The following BCAS3 variants were observed in gnomAD, a reference collection of about 807,000 sequenced individuals.
The protein encoded by BCAS3 is BCAS3 microtubule associated cell migration factor.
BCAS3 carries 53 observed loss-of-function variants against 116.1 expected under a neutral mutation model. The observed-to-expected ratio is 0.46, with a 90% CI of 0.37 to 0.57. The LOEUF (loss-of-function observed/expected upper bound fraction) is 0.57. Among genes scored for constraint, BCAS3 ranks in the 20% least tolerant of loss-of-function variants. The pLI, the probability that BCAS3 is intolerant of heterozygous loss-of-function variation, is 0.00. For synonymous variants in BCAS3, 391 were observed against 408.2 expected (o/e 0.96, Z 0.51); for missense variants, 917 against 1,165.4 (o/e 0.79, Z 3.10).
intron 18 of BCAS3, among the ~76,000 whole-genome samples, chr17:61,038,672 T>TG (rs1389712082): frequency 7.1e-6 from 1 of 141,630 alleles, no homozygotes; most frequent in African/African-American, 2.7e-5. Flanking sequence ...GTTTTTGTTT[T>TG]TTTTTTTTTT....
intron 22 of BCAS3, among the ~76,000 whole-genome samples, chr17:61,184,424 GGCTGAAAT>G (rs2079647644): frequency 6.6e-6 from 1 of 152,094 alleles, no homozygotes; most frequent in South Asian, 2.1e-4. Context: ...CAACTAGAAT[GGCTGAAAT>G]TAAAAGACTG....
intron 22 of BCAS3, among the ~76,000 whole-genome samples, chr17:61,164,080 G>A (rs2078335360): frequency 7.4e-6 from 1 of 135,926 alleles, no homozygotes; most frequent in Non-Finnish European, 1.6e-5. Context: ...ACTGAAATCA[G>A]TGATAAAGAC....
intron 6 of BCAS3, among the ~76,000 whole-genome samples, chr17:60,750,540 C>CGATAACAT (rs1218376840): frequency 7.2e-5 from 11 of 152,200 alleles, no homozygotes; most frequent in African/African-American, 2.6e-4. Context: ...CGTTATTCAT[C>CGATAACAT]GATAACATGA....
Position 61,380,380 on chromosome 17 carries a change from C to T in BCAS3, c.2594-11597C>T. On this transcript the variant is annotated intron_variant, in intron 23 of 23. Transcript: ENST00000407086. The surrounding 1 kb of genome is among the most constrained non-coding windows in gnomAD (Gnocchi z 4.2). Reference sequence around the variant, plus strand: ...TGTGCCTGGGAACAGACCATGAACACCCCCGCAAAGCTCTCAGTGGTCAAA... The same window carrying T: ...TGTGCCTGGGAACAGACCATGAACATCCCCGCAAAGCTCTCAGTGGTCAAA... The T allele has an allele frequency of 2.5e-6, 2 of 801,578 alleles. No homozygotes were observed. Among genetic ancestry groups the T allele is most frequent in the Non-Finnish European group, 4.1e-6 (2 of 484,482 alleles). The allele number at this position is 801,578 out of a possible 1,614,324, so 49.7% of individuals were successfully genotyped here.
intron 6 of BCAS3, among the ~76,000 whole-genome samples, chr17:60,754,473 G>A (rs1050964574): frequency 1.2e-4 from 19 of 152,242 alleles, no homozygotes; most frequent in African/African-American, 4.6e-4. Context: ...CTGGCCTCAG[G>A]TGATCCTCCT....
At chr17:60,999,877 T>A (rs1357010001) in intron 15 of BCAS3, among the ~76,000 whole-genome samples, 2 of 152,168 alleles carry the variant, frequency 1.3e-5, no homozygotes, top group East Asian at 3.9e-4. Context: ...CCTTCTTGCT[T>A]AGACGTATTT....
chr17:60,906,540 T>G (rs1476629637), intron 11 of BCAS3, among the ~76,000 whole-genome samples: 1 of 152,168 alleles, frequency 6.6e-6, no homozygotes, highest in African/African-American at 2.4e-5. Flanking sequence ...ACCACTTAGT[T>G]TCTTAGCACC....
chr17:61,018,290 GTTTTTTTTTTTTTTTTTTTT>G (rs10570881), intron 16 of BCAS3, among the ~76,000 whole-genome samples: 1 of 83,066 alleles, frequency 1.2e-5, no homozygotes. Flanking sequence ...AAATTCCCCA[GTTTTTTTTTTTTTTTTTTTT>G]TTTTTTTTTG....
At position 61,214,580 on chromosome 17, in the gene BCAS3, A is replaced by G. The variant is rs978480541; in HGVS notation, c.2425+130016A>G. ...GCGGCGGGCGCCTGTAGTCCCAGCT[A>G]CTCCGGAGGCTGAGGCAGAAGAACA... On this transcript the variant is annotated intron_variant, in intron 22 of 23. Coordinates refer to ENST00000407086, the MANE Select transcript of BCAS3 (RefSeq NM_017679.5). This position sits in a 1 kb window ranked among gnomAD's most constrained non-coding sequence, Gnocchi z 4.4. Among the ~76,000 whole-genome samples the G allele has an allele frequency of 3.4e-5, 5 of 149,040 alleles. No homozygotes were observed. Among genetic ancestry groups the G allele is most frequent in the South Asian group, 2.1e-4 (1 of 4,694 alleles).
At chr17:60,703,922 A>G (rs1458262874) in intron 4 of BCAS3, among the ~76,000 whole-genome samples, 1 of 151,674 alleles carries the variant, frequency 6.6e-6, no homozygotes, top group Non-Finnish European at 1.5e-5. Flanking sequence ...GTCTCAAAAA[A>G]AAAAAAGAAA....
At chr17:61,048,517 G>A (rs1213719896) in intron 19 of BCAS3, among the ~76,000 whole-genome samples, 1 of 151,946 alleles carries the variant, frequency 6.6e-6, no homozygotes, top group Non-Finnish European at 1.5e-5. Flanking sequence ...AAAGAAGAGC[G>A]GGTGTCGGCA....
rs764026470 is a variant in BCAS3, at chr17:61,351,390, C to T, written c.2426-16937C>T. Among the ~76,000 whole-genome samples the T allele has an allele frequency of 2.0e-5, 3 of 152,254 alleles. 1 individual carries two copies. The Middle Eastern group carries it at 0.01, about 518-fold the overall frequency. On this transcript the variant is annotated intron_variant, in intron 22 of 23. Coordinates refer to ENST00000407086, the MANE Select transcript of BCAS3 (RefSeq NM_017679.5). ...GGTGTAAAGTGGTGAAAGCACCAACCGAAGGCCAGCTGGCTTCTGGGAGTA... is the reference window on the plus strand; with the variant it reads ...GGTGTAAAGTGGTGAAAGCACCAACTGAAGGCCAGCTGGCTTCTGGGAGTA...
chr17:61,194,071 C>T (rs902010823), intron 22 of BCAS3, among the ~76,000 whole-genome samples: 6 of 151,886 alleles, frequency 4.0e-5, no homozygotes, highest in Non-Finnish European at 5.9e-5. Flanking sequence ...GAGCCAAGAT[C>T]GTGCCACTGC....
At chr17:60,827,907 A>G (rs8081498) in intron 7 of BCAS3, among the ~76,000 whole-genome samples, 6,152 of 152,256 alleles carry the variant, frequency 0.04, 464 homozygotes, top group African/African-American at 0.14. Context: ...ATTGAGTTCA[A>G]AGTTGTTTTT....
At chr17:61,221,591 AGT>A (rs2082114543) in intron 22 of BCAS3, among the ~76,000 whole-genome samples, 2 of 152,186 alleles carry the variant, frequency 1.3e-5, no homozygotes, top group Non-Finnish European at 2.9e-5. Context: ...GGAAGGCCCA[AGT>A]CTGTTTCCCC....
chr17:60,893,380 T>G (rs1690477630), intron 10 of BCAS3, among the ~76,000 whole-genome samples: 1 of 152,122 alleles, frequency 6.6e-6, no homozygotes, highest in African/African-American at 2.4e-5. Context: ...GGTCTTACAT[T>G]TAGGTCTTTA....
At chr17:60,848,941 A>ACTT (rs2052787734) in intron 7 of BCAS3, among the ~76,000 whole-genome samples, 1 of 152,180 alleles carries the variant, frequency 6.6e-6, no homozygotes, top group Non-Finnish European at 1.5e-5. Context: ...CTTAGTCTTC[A>ACTT]CTTCCCGCTT....
At position 60,987,422 on chromosome 17, in the gene BCAS3, G is replaced by T. The variant is rs959569249; in HGVS notation, c.1222-2549G>T. On this transcript the variant is annotated intron_variant, in intron 14 of 23. Coordinates refer to ENST00000407086, the MANE Select transcript of BCAS3 (RefSeq NM_017679.5). ...AGGGATTGCATTCAATCTGTAGATT[G>T]CTTAGGGTAGTATAGACATTTTAAC... 1.3e-4 allele frequency among the ~76,000 whole-genome samples: 20 copies of T among 151,656 alleles called. No individual in the cohort carries two copies. In the South Asian group the frequency reaches 2.5e-3, roughly 19 times the overall value.
rs1447943632 is a variant in BCAS3 at position 60,947,429 on chromosome 17, T to C, written c.1221+77T>C. ...ACTCTAGCTGGTCATTTATATTACA[T>C]TGCAGCTTAATGTTGATGTTTGTGA... On this transcript the variant is annotated intron_variant, in intron 14 of 23. Transcript: ENST00000407086. The C allele has an allele frequency of 1.4e-5, 20 of 1,402,860 alleles. No individual in the cohort carries two copies. In the South Asian group the frequency reaches 1.9e-4, roughly 13 times the overall value. The allele number at this position is 1,402,860 out of a possible 1,614,324, so 86.9% of individuals were successfully genotyped here. A position where few individuals can be genotyped will look rare whatever the true frequency, so the allele number is the denominator to read the frequency against.
Sources: allele counts gnomAD v4.1 joint callset (sites outside exome capture counted in the v4.1 genomes callset), GRCh38; gene constraint gnomAD v4.1.1; non-coding constraint Gnocchi (gnomAD v3.1); transcripts MANE v1.5; gene names NCBI Gene and HGNC (gene_info 2026-07-23, HGNC 2026-07-21).